The following TPM1 variants were observed in gnomAD, a reference collection of about 807,000 sequenced individuals.
The protein encoded by TPM1 is tropomyosin 1.
In TPM1, 24 loss-of-function variants were observed where a neutral mutation model predicts 42.9. That is an observed-to-expected ratio of 0.56 (90% confidence interval 0.41 to 0.79). The LOEUF (loss-of-function observed/expected upper bound fraction) is 0.79, where lower values mean the gene tolerates loss of function less well. Ranked by LOEUF, TPM1 falls within the 30% of genes least tolerant of loss-of-function variation. The pLI is 0.00. For missense variants in TPM1, 158 were observed against 351.8 expected (o/e 0.45, Z 4.41); for synonymous variants, 136 against 130.1 (o/e 1.05, Z -0.31).
Position 63,061,717 on chromosome 15 carries a change from T to G in TPM1, c.568T>G (p.Cys190Gly), listed in dbSNP as rs730881139. ...EERAELSEGK[C>G]AELEEELKTV... ...GCCTCTGATCGAAAACATTAGCAAA[T>G]GTGCCGAGCTTGAAGAAGAATTGAA... The change falls in exon 6 of 10, where the codon TGT becomes GGT. Residue 190 changes from cysteine to glycine, a missense_variant. Physicochemically the swap from Cys to Gly is radical, Grantham distance 159. Coordinates refer to ENST00000403994, the MANE Select transcript of TPM1 (RefSeq NM_001018005.2). The G allele has an allele frequency of 6.2e-7, 1 of 1,613,982 alleles. No individual in the cohort carries two copies. Among genetic ancestry groups the G allele is most frequent in the African/African-American group, 1.3e-5 (1 of 74,892 alleles).
chr15:63,048,962 T>C, intron 2 of TPM1: 1 of 534,816 alleles, frequency 1.9e-6, no homozygotes, highest in Non-Finnish European at 3.3e-6. Flanking sequence ...GAGAAGGTTC[T>C]GGAAGGAGCA....
intron 2 of TPM1, chr15:63,048,319 A>T: frequency 1.0e-6 from 1 of 959,822 alleles, no homozygotes; most frequent in Non-Finnish European, 1.5e-6. Flanking sequence ...GAGCATGCGC[A>T]GTGCCCCCAG....
At chr15:63,068,624 C>T (rs74024305), downstream of TPM1, among the ~76,000 whole-genome samples, 1,491 of 152,246 alleles carry the variant, frequency 9.8e-3, 32 homozygotes, top group African/African-American at 0.034. Flanking sequence ...TCAAAGCCAC[C>T]GTGCATCCTC....
intron 2 of TPM1, among the ~76,000 whole-genome samples, chr15:63,051,280 C>T (rs748170453): frequency 2.0e-5 from 3 of 152,178 alleles, no homozygotes; most frequent in Non-Finnish European, 2.9e-5. Context: ...CCTCTTTACA[C>T]TTGGTAAGTA....
chr15:63,063,300 A>G, intron 8 of TPM1: 1 of 985,462 alleles, frequency 1.0e-6, no homozygotes, highest in Non-Finnish European at 1.2e-6. Flanking sequence ...TTAGAGAAGG[A>G]ACTAGTGTTT....
chr15:63,064,440 A>C, intron 9 of TPM1: 1 of 1,203,126 alleles, frequency 8.3e-7, no homozygotes, highest in Non-Finnish European at 1.0e-6. Context: ...AATTAAGCTA[A>C]ACTCAAGTAA....
downstream of TPM1, among the ~76,000 whole-genome samples, chr15:63,068,214 G>A (rs2036392104): frequency 6.6e-6 from 1 of 152,170 alleles, no homozygotes; most frequent in South Asian, 2.1e-4. Context: ...TAAAGAGATG[G>A]GCTGGAAAGG....
At chr15:63,050,614 A>T (rs942067901) in intron 2 of TPM1, among the ~76,000 whole-genome samples, 5 of 152,222 alleles carry the variant, frequency 3.3e-5, no homozygotes, top group Non-Finnish European at 1.5e-5. Flanking sequence ...TTTATATCAA[A>T]AGTAGTTTAA....
downstream of TPM1, among the ~76,000 whole-genome samples, chr15:63,068,985 A>T (rs1030276973): frequency 1.2e-4 from 12 of 98,536 alleles, no homozygotes; most frequent in African/African-American, 3.5e-4. Flanking sequence ...CATCTCTACT[A>T]AAAAAAATAC....
intron 2 of TPM1, among the ~76,000 whole-genome samples, chr15:63,053,573 G>A (rs1313220034): frequency 1.3e-5 from 2 of 151,964 alleles, no homozygotes; most frequent in African/African-American, 4.8e-5. Context: ...CAGCTTCTTT[G>A]GGTGGTGGCA....
At chr15:63,043,605 C>T in intron 1 of TPM1, 1 of 1,521,800 alleles carries the variant, frequency 6.6e-7, no homozygotes, top group South Asian at 1.2e-5. Context: ...TCGGCGGCGC[C>T]CCGAGCCCGA....
At chr15:63,048,083 C>T (rs933011603) in intron 2 of TPM1, 1 of 373,396 alleles carries the variant, frequency 2.7e-6, no homozygotes, top group Non-Finnish European at 5.2e-6. Context: ...CGCTCAGCTT[C>T]TCTGGCTCCC....
intron 9 of TPM1, chr15:63,065,578 TG>T (rs1397519109): frequency 6.1e-6 from 6 of 984,984 alleles, no homozygotes; most frequent in Non-Finnish European, 7.2e-6. Flanking sequence ...TGCTAAAATG[TG>T]GTGATTCTTT....
At chr15:63,068,468 G>A (rs1165372293), downstream of TPM1, among the ~76,000 whole-genome samples, 1 of 152,198 alleles carries the variant, frequency 6.6e-6, no homozygotes, top group Non-Finnish European at 1.5e-5. Flanking sequence ...ATCCTCCCAT[G>A]TCCTACCATT....
At chr15:63,062,686 T>G in intron 8 of TPM1, 41 bp downstream of exon 8, 1 of 1,614,154 alleles carries the variant, frequency 6.2e-7, no homozygotes, top group Non-Finnish European at 8.5e-7. Context: ...TCCTTATGGT[T>G]GAATACCAAC....
At chr15:63,051,989 G>C (rs2033972067) in intron 2 of TPM1, among the ~76,000 whole-genome samples, 2 of 151,632 alleles carry the variant, frequency 1.3e-5, no homozygotes, top group Admixed American at 1.3e-4. Context: ...TGTTGGGGTG[G>C]GGGAATGGGG....
chr15:63,043,993 C>T (rs1290466159), intron 1 of TPM1, 34 bp from the exon 2 acceptor site: 1 of 1,607,408 alleles, frequency 6.2e-7, no homozygotes, highest in Non-Finnish European at 8.5e-7. Flanking sequence ...TGCTGCACCC[C>T]CCTCCCTCCC....
chr15:63,047,527 G>T (rs1183893729), intron 2 of TPM1: 1 of 152,190 alleles, frequency 6.6e-6, no homozygotes, highest in Non-Finnish European at 1.5e-5. Context: ...CCTTTTAAAG[G>T]CATCCCAGTC....
Position 63,066,114 on chromosome 15 carries a change from T to C in TPM1, c.*215T>C. ...AGCTATTTCTGTTTGCTATTCTTTT[T>C]ACTTCTTATTTATTGACATTTTAGT... On this transcript the variant is annotated 3_prime_UTR_variant, in exon 10 of 10. Coordinates refer to ENST00000403994, the MANE Select transcript of TPM1 (RefSeq NM_001018005.2). 6 of 1,489,130 alleles carry C rather than the reference T, an allele frequency of 4.0e-6. No individual in the cohort carries two copies. The South Asian group carries it at 7.9e-5, about 20-fold the overall frequency. 92.2% of individuals were successfully genotyped at this position (1,489,130 alleles called of 1,614,324 possible). A position where few individuals can be genotyped will look rare whatever the true frequency, so the allele number is the denominator to read the frequency against.
Sources: gnomAD v4.1 joint callset for allele counts (sites outside exome capture counted in the v4.1 genomes callset) on GRCh38, gnomAD v4.1.1 for gene constraint, MANE v1.5 for transcripts, NCBI Gene and HGNC (gene_info 2026-07-23, HGNC 2026-07-21) for gene names.